The following HDAC9 variants were observed in gnomAD, a reference collection of about 807,000 sequenced individuals.
HDAC9 encodes the protein histone deacetylase 9, also known as MEF-2 interacting transcription repressor (MITR) protein.
Under a neutral mutation model 139.4 loss-of-function variants are expected in HDAC9, and 41 were observed. The observed-to-expected ratio is 0.29, with a 90% CI of 0.23 to 0.38. HDAC9 has a LOEUF of 0.38. HDAC9 is among the 10% of genes least tolerant of loss of function. The pLI, the probability that HDAC9 is intolerant of heterozygous loss-of-function variation, is 1.00. For synonymous variants in HDAC9, 517 were observed against 476.2 expected (o/e 1.09, Z -1.12); for missense variants, 1,147 against 1,297.0 (o/e 0.88, Z 1.78).
intron 2 of HDAC9, among the ~76,000 whole-genome samples, chr7:18,548,878 A>T (rs1449434751): frequency 6.6e-6 from 1 of 152,240 alleles, no homozygotes; most frequent in African/African-American, 2.4e-5. Flanking sequence ...TGGAGCGCTC[A>T]TACATTGGTA....
intron 1 of HDAC9, among the ~76,000 whole-genome samples, chr7:18,460,064 CAT>C (rs1295099541): frequency 3.3e-5 from 5 of 151,572 alleles, no homozygotes; most frequent in African/African-American, 9.7e-5. Context: ...GGACTACAGA[CAT>C]GTACTACCAC....
intron 12 of HDAC9, among the ~76,000 whole-genome samples, chr7:18,717,728 A>C (rs1310242285): frequency 6.6e-6 from 1 of 151,962 alleles, no homozygotes; most frequent in African/African-American, 2.4e-5. Flanking sequence ...ACAAGGGATA[A>C]AAATATTTTA....
chr7:18,386,774 A>T (rs1267843559), intron 1 of HDAC9, among the ~76,000 whole-genome samples: 1 of 152,210 alleles, frequency 6.6e-6, no homozygotes, highest in Admixed American at 6.5e-5. Flanking sequence ...GTCCTCAGAG[A>T]AAAGAAGATT....
chr7:18,613,364 C>G (rs545205757), intron 6 of HDAC9, among the ~76,000 whole-genome samples: 3 of 152,020 alleles, frequency 2.0e-5, no homozygotes, highest in South Asian at 2.1e-4. Context: ...AATTTTTACT[C>G]ACACTTAACA....
chr7:18,655,013 A>G (rs1790638539), intron 11 of HDAC9, among the ~76,000 whole-genome samples: 1 of 152,264 alleles, frequency 6.6e-6, no homozygotes, highest in South Asian at 2.1e-4. Flanking sequence ...TTGGACAAAC[A>G]TCTTCTCACG....
intron 1 of HDAC9, among the ~76,000 whole-genome samples, chr7:18,320,025 T>A (rs1799919012): frequency 6.6e-6 from 1 of 152,132 alleles, no homozygotes; most frequent in South Asian, 2.1e-4. Flanking sequence ...GAACTAAAGA[T>A]TTTTTTTCAC....
intron 1 of HDAC9, among the ~76,000 whole-genome samples, chr7:18,426,099 T>C (rs368339598): frequency 5.4e-4 from 82 of 152,318 alleles, no homozygotes; most frequent in African/African-American, 1.9e-3. Flanking sequence ...TGATTTTTGG[T>C]ATAGTGTTTC....
intron 12 of HDAC9, among the ~76,000 whole-genome samples, chr7:18,701,389 G>A (rs866923139): frequency 3.6e-5 from 5 of 140,802 alleles, no homozygotes; most frequent in South Asian, 2.3e-4. Flanking sequence ...CTGTTGTGGC[G>A]TCTGATTTAA....
At chr7:18,605,347 A>G (rs1562544530) in intron 6 of HDAC9, among the ~76,000 whole-genome samples, 1 of 152,112 alleles carries the variant, frequency 6.6e-6, no homozygotes, top group Non-Finnish European at 1.5e-5. Context: ...ACTACTTCTT[A>G]GCCTGTTTCC....
At chr7:18,162,322 C>T (rs763431642) in exon 2 of HDAC9, 3 of 1,535,286 alleles carry the variant, frequency 2.0e-6, no homozygotes, top group South Asian at 2.4e-5. Context: ...CCCTCTGATT[C>T]TCATGATGAG....
chr7:18,217,750 A>T (rs761892940), intron 2 of HDAC9, among the ~76,000 whole-genome samples: 1 of 152,240 alleles, frequency 6.6e-6, no homozygotes, highest in Non-Finnish European at 1.5e-5. Context: ...AGTACAAGTT[A>T]TCCGTGGATA....
At chr7:18,724,957 T>A (rs1333464480) in intron 12 of HDAC9, among the ~76,000 whole-genome samples, 1 of 152,164 alleles carries the variant, frequency 6.6e-6, no homozygotes, top group Admixed American at 6.6e-5. Context: ...AATTAATGTG[T>A]GTTCAAAAAA....
chr7:18,716,990 C>CTTTTTTT (rs528916567), intron 12 of HDAC9, among the ~76,000 whole-genome samples: 3 of 115,150 alleles, frequency 2.6e-5, no homozygotes, highest in South Asian at 2.9e-4. Context: ...CTCGTTAGCA[C>CTTTTTTT]TTTTTTTTTT....
intron 2 of HDAC9, among the ~76,000 whole-genome samples, chr7:18,535,155 A>T (rs946028917): frequency 6.6e-6 from 1 of 152,126 alleles, no homozygotes; most frequent in Non-Finnish European, 1.5e-5. Flanking sequence ...TCTCCTGCTC[A>T]TTCTTGTCAT....
intron 1 of HDAC9, among the ~76,000 whole-genome samples, chr7:18,367,169 AT>A (rs1485590671): frequency 2.0e-5 from 3 of 152,084 alleles, no homozygotes; most frequent in Admixed American, 2.0e-4. Context: ...ATACAATCAT[AT>A]TTAATTCCAT....
At chr7:18,519,848 A>G (rs970902147) in intron 2 of HDAC9, among the ~76,000 whole-genome samples, 4 of 152,170 alleles carry the variant, frequency 2.6e-5, no homozygotes, top group African/African-American at 9.6e-5. Flanking sequence ...CAATCTAACT[A>G]TAAGTCAATA....
At chr7:18,313,861 C>A (rs370366319) in intron 1 of HDAC9, among the ~76,000 whole-genome samples, 1 of 152,230 alleles carries the variant, frequency 6.6e-6, no homozygotes, top group East Asian at 1.9e-4. Flanking sequence ...AACAATAAAT[C>A]AAGTTGGACT....
intron 2 of HDAC9, among the ~76,000 whole-genome samples, chr7:18,552,177 A>G (rs1015375878): frequency 4.6e-5 from 7 of 152,194 alleles, no homozygotes; most frequent in African/African-American, 1.7e-4. Context: ...TATTTTATCA[A>G]GAATGTCAAG....
chr7:18,458,997 G>C, intron 1 of HDAC9: 1 of 909,996 alleles, frequency 1.1e-6, no homozygotes, highest in Non-Finnish European at 1.7e-6. Context: ...TCAAAGCTGC[G>C]GTCAGCAACA....
Sources: allele counts gnomAD v4.1 joint callset (sites outside exome capture counted in the v4.1 genomes callset), GRCh38; gene constraint gnomAD v4.1.1; transcripts MANE v1.5; gene names NCBI Gene and HGNC (gene_info 2026-07-23, HGNC 2026-07-21).